Variants in HDAC9 observed in about 807,000 individuals in gnomAD.
HDAC9 encodes the protein histone deacetylase 9, also known as MEF-2 interacting transcription repressor (MITR) protein.
A neutral mutation model predicts 139.4 loss-of-function variants in HDAC9; 41 were observed. The ratio of observed to expected loss-of-function variants is 0.29; its 90% CI spans 0.23 to 0.38. The LOEUF is 0.38. Ranked by LOEUF, HDAC9 falls within the 10% of genes least tolerant of loss-of-function variation. The pLI, the probability that HDAC9 is intolerant of heterozygous loss-of-function variation, is 1.00. For missense variants in HDAC9, 1,147 were observed against 1,297.0 expected (o/e 0.88, Z 1.78); for synonymous variants, 517 against 476.2 (o/e 1.09, Z -1.12).
intron 24 of HDAC9, among the ~76,000 whole-genome samples, chr7:18,963,493 G>A (rs1783659304): frequency 6.6e-6 from 1 of 151,986 alleles, no homozygotes; most frequent in African/African-American, 2.4e-5. Context: ...ATAACACAAG[G>A]CACTAGGGAG....
chr7:18,452,802 G>T (rs1040828960), intron 1 of HDAC9, among the ~76,000 whole-genome samples: 1 of 152,114 alleles, frequency 6.6e-6, no homozygotes. Context: ...TCCTTCACGT[G>T]TCACTGTGAT....
At chr7:18,858,018 T>G (rs1200628910) in intron 21 of HDAC9, among the ~76,000 whole-genome samples, 1 of 152,194 alleles carries the variant, frequency 6.6e-6, no homozygotes, top group Non-Finnish European at 1.5e-5. Context: ...AAAAGAAAAT[T>G]AGTTTTCAAA....
chr7:18,549,175 T>A (rs539581249), intron 2 of HDAC9, among the ~76,000 whole-genome samples: 34 of 152,062 alleles, frequency 2.2e-4, no homozygotes, highest in African/African-American at 7.0e-4. Context: ...GAGGTGGGGG[T>A]TGCAGTGAGC....
chr7:18,126,776 C>G (rs954969732), intron 1 of HDAC9, among the ~76,000 whole-genome samples: 4 of 152,110 alleles, frequency 2.6e-5, no homozygotes, highest in Admixed American at 1.3e-4. Flanking sequence ...TCAATTTGCT[C>G]TAAACATTTT....
At chr7:18,849,465 A>G (rs1363594716) in intron 21 of HDAC9, among the ~76,000 whole-genome samples, 1 of 152,188 alleles carries the variant, frequency 6.6e-6, no homozygotes, top group African/African-American at 2.4e-5. Context: ...TTTTACAGTC[A>G]TATATTTTTT....
At chr7:18,793,551 A>C in intron 17 of HDAC9, 99 bp downstream of exon 17, 4 of 797,114 alleles carry the variant, frequency 5.0e-6, no homozygotes, top group Non-Finnish European at 6.4e-6. Context: ...GTGGTAATAA[A>C]AGGAAGGGCA....
At chr7:18,968,926 T>C (rs1784065153) in intron 24 of HDAC9, among the ~76,000 whole-genome samples, 1 of 115,164 alleles carries the variant, frequency 8.7e-6, no homozygotes, top group Non-Finnish European at 1.6e-5. Context: ...GCCATTGCAC[T>C]CCAGCCTGGA....
intron 16 of HDAC9, among the ~76,000 whole-genome samples, chr7:18,778,712 A>G (rs1057186173): frequency 6.6e-6 from 1 of 152,072 alleles, no homozygotes; most frequent in Non-Finnish European, 1.5e-5. Context: ...ATTACTTGGT[A>G]AATCTATGAG....
intron 14 of HDAC9, among the ~76,000 whole-genome samples, chr7:18,760,359 C>T (rs1789274515): frequency 6.6e-6 from 1 of 152,056 alleles, no homozygotes; most frequent in African/African-American, 2.4e-5. Flanking sequence ...CTTTACATGC[C>T]ATCCTACTCT....
At chr7:18,178,302 C>G (rs184441381) in intron 2 of HDAC9, among the ~76,000 whole-genome samples, 6 of 152,320 alleles carry the variant, frequency 3.9e-5, no homozygotes, top group African/African-American at 1.2e-4. Context: ...CCAGACTTGT[C>G]TCGAACTTCT....
At chr7:18,662,516 G>A (rs1793536305) in intron 11 of HDAC9, among the ~76,000 whole-genome samples, 1 of 152,056 alleles carries the variant, frequency 6.6e-6, no homozygotes, top group African/African-American at 2.4e-5. Flanking sequence ...GGAGGACACA[G>A]TGGATAATTG....
chr7:18,605,955 C>T (rs1321042830), intron 6 of HDAC9, among the ~76,000 whole-genome samples: 3 of 152,160 alleles, frequency 2.0e-5, no homozygotes, highest in African/African-American at 7.2e-5. Flanking sequence ...GCTGGGATTA[C>T]AGGTGTGAGC....
chr7:18,510,623 A>G (rs941971693), intron 2 of HDAC9, among the ~76,000 whole-genome samples: 1 of 152,314 alleles, frequency 6.6e-6, no homozygotes, highest in Non-Finnish European at 1.5e-5. Flanking sequence ...TTAATTAGCT[A>G]TATTATTTGA....
intron 16 of HDAC9, among the ~76,000 whole-genome samples, chr7:18,774,884 A>G (rs1030226537): frequency 3.3e-5 from 5 of 152,072 alleles, no homozygotes; most frequent in African/African-American, 7.2e-5. Context: ...GGCCTGTCTC[A>G]GCTTTCAACA....
intron 1 of HDAC9, among the ~76,000 whole-genome samples, chr7:18,456,926 T>C (rs1793403027): frequency 6.6e-6 from 1 of 152,176 alleles, no homozygotes; most frequent in South Asian, 2.1e-4. Context: ...GCCCTGGAAG[T>C]AGAACCAGCT....
intron 1 of HDAC9, among the ~76,000 whole-genome samples, chr7:18,155,073 TTTTCTTTCTTTC>T (rs34168137): frequency 1.0e-4 from 15 of 148,930 alleles, no homozygotes; most frequent in East Asian, 6.0e-4. Context: ...ACAAAGCTTT[TTTTCTTTCTTTC>T]TTTCTTTCTT....
intron 1 of HDAC9, among the ~76,000 whole-genome samples, chr7:18,375,084 A>G (rs1784886292): frequency 6.6e-6 from 1 of 152,264 alleles, no homozygotes; most frequent in South Asian, 2.1e-4. Flanking sequence ...GGTTATGTAA[A>G]CAAAGTTAAT....
At chr7:18,229,284 G>A (rs1277583927) in intron 2 of HDAC9, among the ~76,000 whole-genome samples, 1 of 152,172 alleles carries the variant, frequency 6.6e-6, no homozygotes, top group Non-Finnish European at 1.5e-5. Flanking sequence ...ACATGGTGTG[G>A]TAACGATCCA....
chr7:18,420,854 T>G (rs1044293788), intron 1 of HDAC9, among the ~76,000 whole-genome samples: 1 of 152,212 alleles, frequency 6.6e-6, no homozygotes, highest in Non-Finnish European at 1.5e-5. Context: ...TTAGATTGTG[T>G]GGTCAAGGAT....
Sources: allele counts gnomAD v4.1 joint callset (sites outside exome capture counted in the v4.1 genomes callset), GRCh38; gene constraint gnomAD v4.1.1; transcripts MANE v1.5; gene names NCBI Gene and HGNC (gene_info 2026-07-23, HGNC 2026-07-21).